Variants in FBXO38 observed in about 807,000 individuals in gnomAD.
FBXO38 encodes F-box protein 38.
In FBXO38, 53 loss-of-function variants were observed where a neutral mutation model predicts 131.9. That is an observed-to-expected ratio of 0.40 (90% confidence interval 0.32 to 0.51). The LOEUF (loss-of-function observed/expected upper bound fraction) is 0.51. FBXO38 is among the 20% of genes least tolerant of loss of function. The probability of loss-of-function intolerance (pLI) is 0.53; values close to 1 mark genes in which losing one functional copy is unlikely to be tolerated. For missense variants in FBXO38, 1,076 were observed against 1,475.6 expected (o/e 0.73, Z 4.44); for synonymous variants, 452 against 505.6 (o/e 0.89, Z 1.42).
chr5:148,389,779 AG>A (rs2113484190), intron 1 of FBXO38: 1 of 152,510 alleles, frequency 6.6e-6, no homozygotes, highest in Admixed American at 6.5e-5. Flanking sequence ...CTGTAATCCC[AG>A]CACTTTGGGA....
intron 17 of FBXO38, 67 bp downstream of exon 17, chr5:148,433,804 A>C (rs898024022): frequency 2.4e-6 from 2 of 821,236 alleles, no homozygotes; most frequent in African/African-American, 3.5e-5. Context: ...GAACTCATAA[A>C]TACTGTAATA....
intron 15 of FBXO38, among the ~76,000 whole-genome samples, chr5:148,432,619 G>GT (rs1236574776): frequency 9.2e-5 from 14 of 152,318 alleles, no homozygotes; most frequent in African/African-American, 3.1e-4. Flanking sequence ...CTGACACACA[G>GT]TAAGCGCTCA....
chr5:148,396,130 A>T (rs1416917184), intron 2 of FBXO38, among the ~76,000 whole-genome samples: 1 of 152,222 alleles, frequency 6.6e-6, no homozygotes, highest in African/African-American at 2.4e-5. Flanking sequence ...GACACATTGT[A>T]GTTTTTGCTA....
Position 148,398,878 on chromosome 5 carries a change from C to G in FBXO38, c.129-121C>G, listed in dbSNP as rs1751978684. ...CCGTATGTGTGGTAGCTTTAAATCT[C>G]TGTCTTAAGATCTTATTTCATTTGA... On this transcript the variant is annotated intron_variant, in intron 2 of 21. Transcript: ENST00000340253. 13 of 1,142,244 alleles carry G rather than the reference C, an allele frequency of 1.1e-5. No individual in the cohort carries two copies. The South Asian group carries it at 1.8e-4, about 16-fold the overall frequency. 70.8% of individuals were successfully genotyped at this position (1,142,244 alleles called of 1,614,324 possible). A position where few individuals can be genotyped will look rare whatever the true frequency, so the allele number is the denominator to read the frequency against.
At position 148,399,007 on chromosome 5, in the gene FBXO38, C is replaced by T. The variant is rs1403533819; in HGVS notation, c.137C>T (p.Pro46Leu). The T allele has an allele frequency of 4.3e-6, 7 of 1,613,262 alleles. No homozygotes were observed. Among genetic ancestry groups the T allele is most frequent in the Non-Finnish European group, 5.9e-6 (7 of 1,179,448 alleles). The change falls in exon 3 of 22, where the codon CCT becomes CTT. Residue 46 changes from proline to leucine, a missense_variant. By Grantham distance (98) the Pro-to-Leu change is moderately conservative (BLOSUM62 -3). Around this residue, in one of 8 missense-constraint regions of FBXO38, gnomAD observed 96 missense variants for 193.9 expected, o/e 0.50. Coordinates refer to ENST00000340253, the MANE Select transcript of FBXO38 (RefSeq NM_205836.3). The part of the protein sequence containing the change: ...EVLCHIFRYL[P>L]LQDIMCMECL... ...TTCTTTCTCTCACAAAGGTACCTCC[C>T]TCTGCAGGATATCATGTGTATGGAA...
In FBXO38 at chr5:148,415,992, C is replaced by A. The variant is rs770394960; in HGVS notation, c.1329C>A (p.Asp443Glu). ...NLVRCHALKL[D>E]SFGQFIELLP... ...TACGGTGCCATGCTTTGAAGCTGGA[C>A]TCTTTTGGCCAGTTTATTGAATTAT... Residue 443 changes from aspartate (D) to glutamate (E), a missense_variant, in exon 11 of 22, where the codon GAC becomes GAA. By Grantham distance (45) the Asp-to-Glu change is conservative (BLOSUM62 2). Around this residue, in one of 8 missense-constraint regions of FBXO38, gnomAD observed 146 missense variants for 274.3 expected, o/e 0.53. Coordinates refer to ENST00000340253, the MANE Select transcript of FBXO38 (RefSeq NM_205836.3). 43 of 1,613,266 alleles carry A rather than the reference C, an allele frequency of 2.7e-5. No homozygotes were observed. Among genetic ancestry groups the A allele is most frequent in the Non-Finnish European group, 3.6e-5 (43 of 1,179,562 alleles).
intron 11 of FBXO38, among the ~76,000 whole-genome samples, chr5:148,416,474 T>C (rs1753061320): frequency 6.6e-6 from 1 of 152,310 alleles, no homozygotes; most frequent in South Asian, 2.1e-4. Context: ...TTGGGGAATG[T>C]TTTACTTTGC....
At chr5:148,400,866 C>G (rs2113528125) in intron 3 of FBXO38, among the ~76,000 whole-genome samples, 1 of 152,012 alleles carries the variant, frequency 6.6e-6, no homozygotes, top group East Asian at 1.9e-4. Context: ...GGGTGATAAC[C>G]TTTCTGATTT....
chr5:148,386,000 C>G (rs1158709322), intron 1 of FBXO38, among the ~76,000 whole-genome samples: 1 of 152,164 alleles, frequency 6.6e-6, no homozygotes, highest in Non-Finnish European at 1.5e-5. Context: ...GGAAACAACT[C>G]TGGTTTAAGA....
chr5:148,398,358 T>G (rs1011213268), intron 2 of FBXO38, among the ~76,000 whole-genome samples: 1 of 150,804 alleles, frequency 6.6e-6, no homozygotes, highest in Non-Finnish European at 1.5e-5. Context: ...TAAAGAAGAA[T>G]GGAAAAGAGG....
chr5:148,408,503 G>C lies in FBXO38; in HGVS notation c.869-621G>C, dbSNP rs989091317. ...GCAATAGAATGGATAATTAAATTGT[G>C]GCATATTCATATAGCAAAATACTGT... On this transcript the variant is annotated intron_variant, in intron 7 of 21. Transcript: ENST00000340253. 3.3e-5 allele frequency among the ~76,000 whole-genome samples: 5 copies of C among 152,152 alleles called. No homozygotes were observed. The South Asian group carries it at 8.3e-4, about 25-fold the overall frequency.
intron 10 of FBXO38, among the ~76,000 whole-genome samples, chr5:148,414,584 A>G (rs1422747199): frequency 1.3e-5 from 2 of 152,128 alleles, no homozygotes; most frequent in Non-Finnish European, 2.9e-5. Context: ...TAGGAACATA[A>G]AATTAAGGTT....
chr5:148,441,559 TCTC>T, intron 21 of FBXO38: 1 of 218,108 alleles, frequency 4.6e-6, no homozygotes, highest in Non-Finnish European at 8.9e-6. Flanking sequence ...ATTGTATTAT[TCTC>T]CTGCTAGTTA....
chr5:148,407,497 T>C (rs1297725169), intron 7 of FBXO38, among the ~76,000 whole-genome samples: 2 of 152,174 alleles, frequency 1.3e-5, no homozygotes, highest in East Asian at 3.8e-4. Flanking sequence ...AAGAATGTCT[T>C]GTTGACCTTG....
At chr5:148,418,723 C>T (rs1057265127) in intron 12 of FBXO38, among the ~76,000 whole-genome samples, 1 of 152,190 alleles carries the variant, frequency 6.6e-6, no homozygotes, top group African/African-American at 2.4e-5. Flanking sequence ...TTCAGAACTA[C>T]CCAAATCCTG....
intron 1 of FBXO38, chr5:148,390,065 C>G (rs1032133862): frequency 4.6e-5 from 7 of 151,374 alleles, no homozygotes; most frequent in African/African-American, 1.7e-4. Flanking sequence ...TCACCACTTA[C>G]TTGGGACTTG....
intron 20 of FBXO38, 49 bp from the exon 21 acceptor site, chr5:148,441,075 C>T (rs370278322): frequency 7.7e-5 from 102 of 1,328,216 alleles, no homozygotes; most frequent in Non-Finnish European, 1.0e-4. Context: ...CAGAATTTGG[C>T]TCTGTCAGCA....
rs184238855 is a variant in FBXO38, at chr5:148,399,136, A to C, written c.262+4A>C. On this transcript the variant is annotated splice_donor_region_variant and intron_variant, in intron 3 of 21. Coordinates refer to ENST00000340253, the MANE Select transcript of FBXO38 (RefSeq NM_205836.3). ...TGGTGGGAATACATGCCAAGTGGTA[A>C]GTGGATTTAGTCTGTGAAGTACAGT... The C allele has an allele frequency of 2.5e-6, 4 of 1,612,752 alleles. No individual in the cohort carries two copies. The Admixed American group carries it at 6.7e-5, about 27-fold the overall frequency.
chr5:148,439,730 T>C lies in FBXO38; in HGVS notation c.3108T>C (p.Pro1036=), dbSNP rs968961530. The C allele has an allele frequency of 6.2e-7, 1 of 1,613,708 alleles. No homozygotes were observed. Among genetic ancestry groups the C allele is most frequent in the Non-Finnish European group, 8.5e-7 (1 of 1,179,906 alleles). ...HICIIHEFSN[P]PNVRNKVRIR... ...GTATTATCCATGAATTCAGTAACCCTCCCAATGTCCGGAATAAGGTGCGCA... is the reference window on the plus strand; with the variant it reads ...GTATTATCCATGAATTCAGTAACCCCCCCAATGTCCGGAATAAGGTGCGCA... The change falls in exon 19 of 22, where the codon CCT becomes CCC. Residue 1036 remains proline (P), a synonymous_variant. Coordinates refer to ENST00000340253, the MANE Select transcript of FBXO38 (RefSeq NM_205836.3).
Sources: gnomAD v4.1 joint callset for allele counts (sites outside exome capture counted in the v4.1 genomes callset) on GRCh38, gnomAD v4.1.1 for gene constraint, gnomAD v4.1.1 regional missense constraint, MANE v1.5 for transcripts, NCBI Gene and HGNC (gene_info 2026-07-23, HGNC 2026-07-21) for gene names.